Variants in KLHL10 observed in about 807,000 individuals in gnomAD.
KLHL10 encodes the protein kelch-like protein 10.
A neutral mutation model predicts 46.6 loss-of-function variants in KLHL10; 11 were observed. That is an observed-to-expected ratio of 0.24 (90% CI 0.15 to 0.39). The LOEUF (loss-of-function observed/expected upper bound fraction) is 0.39. KLHL10 is among the 10% of genes least tolerant of loss of function. The pLI is 1.00. For missense variants in KLHL10, 475 were observed against 789.8 expected, an observed-to-expected ratio of 0.60 and a Z score of 4.78; for synonymous variants, 254 against 279.1, an observed-to-expected ratio of 0.91 and a Z score of 0.90.
chr17:41,836,089 C>A, upstream of KLHL10: 1 of 1,348,932 alleles, frequency 7.4e-7, no homozygotes, highest in Non-Finnish European at 9.5e-7. Context: ...CTGGGTGAAG[C>A]GGCGGTGCCT....
At chr17:41,843,274 A>G (rs1462185327) in intron 2 of KLHL10, among the ~76,000 whole-genome samples, 2 of 151,968 alleles carry the variant, frequency 1.3e-5, no homozygotes, top group Non-Finnish European at 2.9e-5. Flanking sequence ...TGGGAGGCGG[A>G]GGCAGGTGGA....
chr17:41,836,366 G>C, upstream of KLHL10: 2 of 1,225,352 alleles, frequency 1.6e-6, no homozygotes, highest in Non-Finnish European at 2.0e-6. Flanking sequence ...GGGTGGGCTT[G>C]CCGGTTGCGC....
chr17:41,843,829 G>T (rs184465362), intron 2 of KLHL10, among the ~76,000 whole-genome samples: 1 of 148,336 alleles, frequency 6.7e-6, no homozygotes, highest in East Asian at 2.1e-4. Context: ...TGATGCGATC[G>T]CGGCTCACTG....
chr17:41,836,047 G>C, upstream of KLHL10: 1 of 1,413,544 alleles, frequency 7.1e-7, no homozygotes, highest in South Asian at 1.6e-5. Context: ...GTGTGAGGCG[G>C]GGCCGGGGTG....
In KLHL10 at chr17:41,842,032, AGCTGTGCTTGGATAATTGTATCGGCATCT is replaced by A. The variant is rs1166370951; in HGVS notation, c.406_434del (p.Leu136Ter). Reference sequence around the variant, plus strand: ...GGTTGCTGCGAGTTCCTCAAGTCAGAGCTGTGCTTGGATAATTGTATCGGCATCTGTAAGTTCACGGACTACTACTACTG... The same window carrying A: ...GGTTGCTGCGAGTTCCTCAAGTCAGAGTAAGTTCACGGACTACTACTACTG... On this transcript the variant is annotated frameshift_variant, in exon 2 of 5. Coordinates refer to ENST00000293303, the MANE Select transcript of KLHL10 (RefSeq NM_152467.5). LOFTEE classifies it high-confidence loss of function. 2 of 1,614,018 alleles carry A rather than the reference AGCTGTGCTTGGATAATTGTATCGGCATCT, an allele frequency of 1.2e-6. No homozygotes were observed. The highest frequency in any genetic ancestry group is 1.7e-6 in the Non-Finnish European group (2 of 1,180,046).
At chr17:41,836,574 G>A (rs563374624), upstream of KLHL10, 4 of 471,046 alleles carry the variant, frequency 8.5e-6, no homozygotes, top group East Asian at 6.3e-4. Context: ...TGTAATCCCA[G>A]GACTTTGGGA....
chr17:41,836,109 G>C (rs1215382434), upstream of KLHL10: 1 of 1,334,844 alleles, frequency 7.5e-7, no homozygotes, highest in African/African-American at 1.5e-5. Context: ...TCGGTGACCA[G>C]CTGGGGGGCT....
At chr17:41,838,324 C>G (rs958341271) in intron 1 of KLHL10, among the ~76,000 whole-genome samples, 198 bp downstream of exon 1, 8 of 151,990 alleles carry the variant, frequency 5.3e-5, no homozygotes, top group Admixed American at 5.2e-4. Context: ...TGTAGTGATG[C>G]AATCATAGCT....
At chr17:41,846,289 G>A (rs2048285017) in intron 3 of KLHL10, among the ~76,000 whole-genome samples, 2 of 152,012 alleles carry the variant, frequency 1.3e-5, no homozygotes. Context: ...TTGGCAAGCC[G>A]AGGCGGGAGG....
upstream of KLHL10, among the ~76,000 whole-genome samples, chr17:41,837,290 A>T (rs1259075371): frequency 6.6e-6 from 1 of 152,160 alleles, no homozygotes; most frequent in Non-Finnish European, 1.5e-5. Context: ...TCAGCCTCCC[A>T]AGTAGCTGGG....
chr17:41,845,046 A>T, intron 2 of KLHL10, 80 bp from the exon 3 acceptor site: 1 of 1,557,110 alleles, frequency 6.4e-7, no homozygotes, highest in Non-Finnish European at 8.9e-7. Context: ...TCAAAGGCAG[A>T]TCGAAAAATG....
rs782217268 is a variant in KLHL10 at position 41,845,199 on chromosome 17, A to G, written c.758A>G (p.Glu253Gly). ...VKMNDYVKDS[E>G]ECKPVIINAL... ...ATGAATGACTATGTCAAAGACAGTG[A>G]GGAATGCAAACCAGTCATCATTAAT... Residue 253 changes from glutamate (E) to glycine (G), a missense_variant, in exon 3 of 5, where the codon GAG becomes GGG. Glu to Gly is a moderately conservative substitution (Grantham distance 98, BLOSUM62 -2). Coordinates refer to ENST00000293303, the MANE Select transcript of KLHL10 (RefSeq NM_152467.5). 1 of 1,614,196 alleles carries G rather than the reference A, an allele frequency of 6.2e-7. No individual in the cohort carries two copies. Among genetic ancestry groups the G allele is most frequent in the African/African-American group, 1.3e-5 (1 of 75,062 alleles).
upstream of KLHL10, chr17:41,835,749 G>A: frequency 3.5e-6 from 4 of 1,128,474 alleles, no homozygotes; most frequent in African/African-American, 1.5e-5. Context: ...CATTTCTTGG[G>A]GCAGAGAGCT....
At chr17:41,838,650 GT>G (rs2048194583) in intron 1 of KLHL10, among the ~76,000 whole-genome samples, 5 of 73,690 alleles carry the variant, frequency 6.8e-5, no homozygotes, top group Middle Eastern at 7.2e-3. Context: ...TTTTTTGTTT[GT>G]TTTGTTTTTT....
chr17:41,835,861 G>T (rs782522071), upstream of KLHL10: 3 of 1,607,760 alleles, frequency 1.9e-6, no homozygotes, highest in East Asian at 6.7e-5. Flanking sequence ...AGAGGTACCT[G>T]TAACCGGTCT....
chr17:41,845,402 G>A lies in KLHL10; in HGVS notation c.961G>A (p.Val321Ile). 1 of 1,614,236 alleles carries A rather than the reference G, an allele frequency of 6.2e-7. No individual in the cohort carries two copies. The highest frequency in any genetic ancestry group is 8.5e-7 in the Non-Finnish European group (1 of 1,180,044). Residue 321 changes from valine to isoleucine, a missense_variant, in exon 3 of 5, where the codon GTT becomes ATT. Physicochemically the swap from Val to Ile is conservative, Grantham distance 29. Transcript: ENST00000293303. ...CGCTCGGGCAGACAGATGGGTGAAT[G>A]TTACTTGTGAGGAAGAGAGTCCCCG... ...YDARADRWVN[V>I]TCEEESPRAY...
upstream of KLHL10, chr17:41,837,687 T>C (rs1301806097): frequency 1.2e-5 from 14 of 1,212,756 alleles, no homozygotes; most frequent in Non-Finnish European, 1.3e-5. Context: ...TGAGGTGGTT[T>C]TCAGCCTAAG....
chr17:41,847,181 G>A (rs1597941573), intron 3 of KLHL10, 80 bp from the exon 4 acceptor site: 2 of 1,230,536 alleles, frequency 1.6e-6, no homozygotes, highest in Non-Finnish European at 2.4e-6. Flanking sequence ...GGAATTAAGT[G>A]CCCACTACCA....
At chr17:41,843,704 T>C (rs977715870) in intron 2 of KLHL10, among the ~76,000 whole-genome samples, 3 of 152,118 alleles carry the variant, frequency 2.0e-5, no homozygotes, top group Non-Finnish European at 2.9e-5. Flanking sequence ...ATCTAGCTCA[T>C]TCTCAGCTTC....
Sources: allele counts gnomAD v4.1 joint callset (sites outside exome capture counted in the v4.1 genomes callset), GRCh38; gene constraint gnomAD v4.1.1; transcripts MANE v1.5; gene names NCBI Gene and HGNC (gene_info 2026-07-23, HGNC 2026-07-21).